ADAMTSL1: variants seen among roughly 807,000 people sequenced by gnomAD.
ADAMTSL1 encodes ADAMTS-like protein 1.
A neutral mutation model predicts 201.8 loss-of-function variants in ADAMTSL1; 126 were observed. That is an observed-to-expected ratio of 0.62 (90% CI 0.54 to 0.72). The LOEUF is 0.72. Among genes scored for constraint, ADAMTSL1 ranks in the 30% least tolerant of loss-of-function variants. ADAMTSL1 has a pLI of 0.00. For missense variants in ADAMTSL1, 2,679 were observed against 2,277.8 expected (o/e 1.18, Z -3.59); for synonymous variants, 1,121 against 903.4 (o/e 1.24, Z -4.32).
At position 18,712,245 on chromosome 9, in the gene ADAMTSL1, G is replaced by A. The variant is rs543885256; in HGVS notation, c.1876+5197G>A. ...CACCAGCAACGGAACAAAGCTGGAC[G>A]GAGAATGACTTTGATGAGCTGAGAG... On this transcript the variant is annotated intron_variant, in intron 14 of 28. Transcript: ENST00000380548. Among the ~76,000 whole-genome samples, 93 of 152,366 alleles carry A rather than the reference G, an allele frequency of 6.1e-4. 1 individual carries two copies. Among genetic ancestry groups the A allele is most frequent in the African/African-American group, 1.9e-3 (79 of 41,584 alleles).
At chr9:18,569,495 A>G (rs777009561) in intron 3 of ADAMTSL1, among the ~76,000 whole-genome samples, 2 of 152,150 alleles carry the variant, frequency 1.3e-5, no homozygotes, top group African/African-American at 2.4e-5. Context: ...CCACAGGTAT[A>G]TTTAGAGTTT....
intron 1 of ADAMTSL1, among the ~76,000 whole-genome samples, chr9:18,123,114 A>C (rs1825575137): frequency 6.6e-6 from 1 of 152,170 alleles, no homozygotes; most frequent in African/African-American, 2.4e-5. Context: ...TGAATTTCTT[A>C]ATCCACTTAC....
intron 2 of ADAMTSL1, among the ~76,000 whole-genome samples, chr9:18,238,739 C>A (rs1215039733): frequency 2.0e-5 from 3 of 152,018 alleles, no homozygotes; most frequent in African/African-American, 7.2e-5. Flanking sequence ...TTATGGGATA[C>A]AAAGTGATGT....
chr9:18,273,570 A>G (rs553322844), intron 2 of ADAMTSL1, among the ~76,000 whole-genome samples: 11 of 152,360 alleles, frequency 7.2e-5, no homozygotes, highest in African/African-American at 2.2e-4. Flanking sequence ...GGTTACATTT[A>G]TCTTCCAAAT....
chr9:18,732,410 G>C (rs1314074062), intron 15 of ADAMTSL1, among the ~76,000 whole-genome samples: 1 of 152,136 alleles, frequency 6.6e-6, no homozygotes. Flanking sequence ...ATTTAATGTT[G>C]ACACCTAATC....
chr9:17,982,167 T>C (rs918207272), intron 1 of ADAMTSL1, among the ~76,000 whole-genome samples: 1 of 152,222 alleles, frequency 6.6e-6, no homozygotes, highest in African/African-American at 2.4e-5. Context: ...CTTCCAGTTA[T>C]ACACATCTTA....
intron 3 of ADAMTSL1, among the ~76,000 whole-genome samples, chr9:18,551,705 A>T (rs1251546163): frequency 6.6e-6 from 1 of 151,844 alleles, no homozygotes; most frequent in Non-Finnish European, 1.5e-5. Flanking sequence ...TTGCAAAATG[A>T]GGCACATAGG....
At chr9:18,133,672 C>G (rs556840469) in intron 1 of ADAMTSL1, among the ~76,000 whole-genome samples, 1 of 152,100 alleles carries the variant, frequency 6.6e-6, no homozygotes, top group African/African-American at 2.4e-5. Flanking sequence ...ACACCCAGGT[C>G]CCTATGGCTT....
chr9:18,555,076 C>G (rs1177226990), intron 3 of ADAMTSL1, among the ~76,000 whole-genome samples: 1 of 151,868 alleles, frequency 6.6e-6, no homozygotes, highest in East Asian at 1.9e-4. Context: ...TTATTGTCTC[C>G]TTAGTTTGGT....
intron 2 of ADAMTSL1, among the ~76,000 whole-genome samples, chr9:18,324,555 G>T (rs988658958): frequency 6.6e-6 from 1 of 151,868 alleles, no homozygotes; most frequent in Admixed American, 6.6e-5. Flanking sequence ...ACCTGAGGTT[G>T]GGAGTTTGAA....
chr9:18,324,119 C>A (rs919494977), intron 2 of ADAMTSL1, among the ~76,000 whole-genome samples: 3 of 152,032 alleles, frequency 2.0e-5, no homozygotes, highest in African/African-American at 4.8e-5. Flanking sequence ...TGAGAAGAGA[C>A]AAAATAGATG....
chr9:18,282,205 G>C (rs1190452367), intron 2 of ADAMTSL1, among the ~76,000 whole-genome samples: 1 of 152,052 alleles, frequency 6.6e-6, no homozygotes, highest in East Asian at 1.9e-4. Flanking sequence ...TGGTATAATG[G>C]CTACCTGATC....
chr9:18,720,213 C>T (rs765855212), intron 14 of ADAMTSL1, among the ~76,000 whole-genome samples: 7 of 152,102 alleles, frequency 4.6e-5, no homozygotes, highest in East Asian at 3.9e-4. Flanking sequence ...TTAAGTCTAT[C>T]AGTCAGTACT....
At chr9:18,843,193 T>C (rs1825848147) in intron 23 of ADAMTSL1, among the ~76,000 whole-genome samples, 1 of 150,922 alleles carries the variant, frequency 6.6e-6, no homozygotes, top group Non-Finnish European at 1.5e-5. Flanking sequence ...TTTCCATGTT[T>C]AGTGCTTCCT....
intron 1 of ADAMTSL1, among the ~76,000 whole-genome samples, chr9:18,097,630 A>G (rs1339564944): frequency 1.3e-5 from 2 of 152,176 alleles, no homozygotes; most frequent in East Asian, 1.9e-4. Context: ...TACAATTTTC[A>G]TCAGTCTAAT....
At chr9:18,498,228 G>A (rs192467335) in intron 1 of ADAMTSL1, among the ~76,000 whole-genome samples, 88 of 151,996 alleles carry the variant, frequency 5.8e-4, no homozygotes, top group African/African-American at 2.0e-3. Context: ...TGGGGGCAGG[G>A]AGTGATAAAA....
chr9:18,362,590 A>T (rs931624852), intron 2 of ADAMTSL1, among the ~76,000 whole-genome samples: 1 of 152,184 alleles, frequency 6.6e-6, no homozygotes, highest in Non-Finnish European at 1.5e-5. Context: ...AAATGTATAG[A>T]TTCCAAAACA....
chr9:18,278,940 A>T (rs1832687287), intron 2 of ADAMTSL1, among the ~76,000 whole-genome samples: 1 of 151,304 alleles, frequency 6.6e-6, no homozygotes, highest in Admixed American at 6.6e-5. Context: ...CTGTTTCATC[A>T]AGTCTGCTGT....
intron 23 of ADAMTSL1, among the ~76,000 whole-genome samples, chr9:18,851,779 G>T (rs1826509097): frequency 6.6e-6 from 1 of 152,216 alleles, no homozygotes; most frequent in Non-Finnish European, 1.5e-5. Context: ...ATGCTCACTT[G>T]AGGCGTTTTT....
Sources: allele counts gnomAD v4.1 joint callset (sites outside exome capture counted in the v4.1 genomes callset), GRCh38; gene constraint gnomAD v4.1.1; transcripts MANE v1.5; gene names NCBI Gene and HGNC (gene_info 2026-07-23, HGNC 2026-07-21).